IFI44L: variants seen among roughly 807,000 people sequenced by gnomAD.
IFI44L encodes interferon induced protein 44 like.
IFI44L carries 40 observed loss-of-function variants against 39.3 expected under a neutral mutation model. The ratio of observed to expected loss-of-function variants is 1.02; its 90% CI spans 0.79 to 1.33. IFI44L has a LOEUF of 1.33. IFI44L is among the 40% of genes most tolerant of loss of function. The pLI is 0.00. For missense variants in IFI44L, 623 were observed against 549.0 expected (o/e 1.13, Z -1.35); for synonymous variants, 198 against 182.3 (o/e 1.09, Z -0.69).
chr1:78,627,188 CTA>C (rs1652523816), intron 1 of IFI44L: 2 of 152,050 alleles, frequency 1.3e-5, no homozygotes, highest in Non-Finnish European at 2.9e-5. Flanking sequence ...TTGCCAATAG[CTA>C]TATGTCTTAA....
Position 78,637,102 on chromosome 1 carries a change from T to C in IFI44L, c.947T>C (p.Ile316Thr). 4 of 1,611,572 alleles carry C rather than the reference T, an allele frequency of 2.5e-6. No homozygotes were observed. The highest frequency in any genetic ancestry group is 1.7e-4 in the Middle Eastern group (1 of 6,054). The part of the protein sequence containing the change: ...FITSPSLKDR[I>T]HCVAYVLDIN... ...ACCTCTCCATCTCTGAAGGACAGGA[T>C]TCACTGTGTGGCTTATGTCTTAGAC... The change falls in exon 6 of 9, where the codon ATT becomes ACT. Residue 316 changes from isoleucine to threonine, a missense_variant. Transcript: ENST00000370751.
chr1:78,641,762 G>T lies in IFI44L; in HGVS notation c.1325-13G>T. On this transcript the variant is annotated splice_polypyrimidine_tract_variant and intron_variant, in intron 8 of 8. Transcript: ENST00000370751. ...ATATGTTTCATTTCCACTCTTGTTT[G>T]TTTCATTTTCAGGTGCAATTGAGAG... 1.2e-6 allele frequency: 2 copies of T among 1,613,598 alleles called. No individual in the cohort carries two copies. Among genetic ancestry groups the T allele is most frequent in the Non-Finnish European group, 8.5e-7 (1 of 1,179,620 alleles).
intron 4 of IFI44L, 92 bp from the exon 5 acceptor site, chr1:78,635,245 T>C: frequency 9.6e-7 from 1 of 1,042,692 alleles, no homozygotes; most frequent in Non-Finnish European, 1.4e-6. Context: ...ACCATGGTGT[T>C]CAAATATTAA....
chr1:78,624,800 G>A (rs1279935164), intron 1 of IFI44L, among the ~76,000 whole-genome samples: 1 of 152,076 alleles, frequency 6.6e-6, no homozygotes. Context: ...ATATTTTTCT[G>A]GAGAATTGAC....
intron 1 of IFI44L, among the ~76,000 whole-genome samples, chr1:78,621,665 CTG>C (rs2100466044): frequency 6.6e-6 from 1 of 151,946 alleles, no homozygotes; most frequent in African/African-American, 2.4e-5. Flanking sequence ...TTATGGTTTT[CTG>C]TATGTGTGTA....
Position 78,637,017 on chromosome 1 carries a change from A to T in IFI44L, c.877-15A>T. On this transcript the variant is annotated splice_polypyrimidine_tract_variant and intron_variant, in intron 5 of 8. Transcript: ENST00000370751. ...CTCTCTGATTTCTGAATGTTACCTT[A>T]TGTTTTTATAACAGTTTAATTCCCG... is the stretch of plus-strand genomic sequence containing the variant. 1 of 1,590,540 alleles carries T rather than the reference A, an allele frequency of 6.3e-7. No individual in the cohort carries two copies. The highest frequency in any genetic ancestry group is 1.7e-5 in the Admixed American group (1 of 59,224).
Position 78,629,716 on chromosome 1 carries a change from A to G in IFI44L, c.528-4A>G, listed in dbSNP as rs772037776. The G allele has an allele frequency of 3.9e-5, 62 of 1,604,568 alleles. No individual in the cohort carries two copies. The highest frequency in any genetic ancestry group is 4.8e-5 in the Non-Finnish European group (57 of 1,175,364). On this transcript the variant is annotated splice_polypyrimidine_tract_variant and splice_region_variant and intron_variant, in intron 3 of 8. Coordinates refer to ENST00000370751, the MANE Select transcript of IFI44L (RefSeq NM_006820.4). Reference sequence around the variant, plus strand: ...TGCTGTATTTAACCACTATATTTTAACAGGCACAGAAATAGGCTTCTAGCA... The same window carrying G: ...TGCTGTATTTAACCACTATATTTTAGCAGGCACAGAAATAGGCTTCTAGCA...
chr1:78,636,423 A>G (rs1318620222), intron 5 of IFI44L, among the ~76,000 whole-genome samples: 1 of 152,092 alleles, frequency 6.6e-6, no homozygotes. Flanking sequence ...ATTCAGTCCA[A>G]CACTGAAATA....
rs142969047 is a variant in IFI44L at position 78,623,502 on chromosome 1, G to A, written c.-11+2931G>A. On this transcript the variant is annotated intron_variant, in intron 1 of 8. Coordinates refer to ENST00000370751, the MANE Select transcript of IFI44L (RefSeq NM_006820.4). ...AGATGACCAATTTGTATTAGTCAGCGTTCTTCAGAGAAACTGAACCAACAT... is the reference window on the plus strand; with the variant it reads ...AGATGACCAATTTGTATTAGTCAGCATTCTTCAGAGAAACTGAACCAACAT... Among the ~76,000 whole-genome samples, 688 of 145,868 alleles carry A rather than the reference G, an allele frequency of 4.7e-3. 4 individuals are homozygous for A. The highest frequency in any genetic ancestry group is 0.014 in the African/African-American group (552 of 38,680).
intron 5 of IFI44L, 65 bp from the exon 6 acceptor site, chr1:78,636,967 T>C: frequency 8.2e-7 from 1 of 1,218,630 alleles, no homozygotes; most frequent in Non-Finnish European, 1.2e-6. Context: ...AAGCATTAAT[T>C]GTGTCTTTAA....
Position 78,637,190 on chromosome 1 carries a change from A to G in IFI44L, c.1035A>G (p.Glu345=). The G allele has an allele frequency of 3.1e-6, 5 of 1,605,576 alleles. No homozygotes were observed. The highest frequency in any genetic ancestry group is 4.2e-6 in the Non-Finnish European group (5 of 1,176,992). Residue 345 remains glutamate (E), a synonymous_variant, in exon 6 of 9, where the codon GAA becomes GAG. Transcript: ENST00000370751. ...MLAKVKQVHK[E]VLNCGIAYVA... is the part of the protein sequence containing the mutation. Reference sequence around the variant, plus strand: ...CAAAAGTGAAGCAAGTTCACAAAGAAGTATTAAACTGTGGTGAGTCTCACT... The same window carrying G: ...CAAAAGTGAAGCAAGTTCACAAAGAGGTATTAAACTGTGGTGAGTCTCACT...
chr1:78,637,184 C>G lies in IFI44L; in HGVS notation c.1029C>G (p.His343Gln). The G allele has an allele frequency of 1.2e-5, 20 of 1,606,770 alleles. No homozygotes were observed. Among genetic ancestry groups the G allele is most frequent in the Non-Finnish European group, 1.6e-5 (19 of 1,177,306 alleles). Residue 343 changes from histidine to glutamine, a missense_variant, in exon 6 of 9, where the codon CAC (histidine) becomes CAG (glutamine). His to Gln is a conservative substitution (Grantham distance 24, BLOSUM62 0). Coordinates refer to ENST00000370751, the MANE Select transcript of IFI44L (RefSeq NM_006820.4). ...TGTTGGCAAAAGTGAAGCAAGTTCA[C>G]AAAGAAGTATTAAACTGTGGTGAGT... ...SKMLAKVKQV[H>Q]KEVLNCGIAY...
chr1:78,637,127 C>G lies in IFI44L; in HGVS notation c.972C>G (p.Asp324Glu). Residue 324 changes from aspartate to glutamate, a missense_variant, in exon 6 of 9, where the codon GAC becomes GAG. Coordinates refer to ENST00000370751, the MANE Select transcript of IFI44L (RefSeq NM_006820.4). ...TTCACTGTGTGGCTTATGTCTTAGA[C>G]ATCAACTCTATTGACAATCTCTACT... ...DRIHCVAYVL[D>E]INSIDNLYSK... is the part of the protein sequence containing the mutation. The G allele has an allele frequency of 1.2e-5, 20 of 1,608,380 alleles. No homozygotes were observed. The highest frequency in any genetic ancestry group is 1.5e-5 in the Non-Finnish European group (18 of 1,177,280).
intron 2 of IFI44L, 52 bp from the exon 3 acceptor site, chr1:78,628,899 A>G (rs925487924): frequency 8.1e-7 from 1 of 1,234,650 alleles, no homozygotes; most frequent in South Asian, 1.2e-5. Context: ...ACTTGGCCAC[A>G]TTTAACCAAA....
At chr1:78,626,014 C>T (rs1224607155) in intron 1 of IFI44L, 1 of 151,772 alleles carries the variant, frequency 6.6e-6, no homozygotes, top group African/African-American at 2.4e-5. Flanking sequence ...GACTTGCTTG[C>T]TTTTTAAGGT....
Position 78,642,490 on chromosome 1 carries a change from G to A in IFI44L, c.*681G>A, listed in dbSNP as rs1314169720. 2 of 151,932 alleles carry A rather than the reference G, an allele frequency of 1.3e-5. No homozygotes were observed. The highest frequency in any genetic ancestry group is 6.6e-5 in the Admixed American group (1 of 15,230). The allele number at this position is 151,932 out of a possible 1,614,324, so 9.4% of individuals were successfully genotyped here. A position where few individuals can be genotyped will look rare whatever the true frequency, so the allele number is the denominator to read the frequency against. ...CCAGTTACTCAGGATGATTGATTGAGCCTTGGAGGTGGAGGCTACAGTGAG... is the reference window on the plus strand; with the variant it reads ...CCAGTTACTCAGGATGATTGATTGAACCTTGGAGGTGGAGGCTACAGTGAG... On this transcript the variant is annotated 3_prime_UTR_variant, in exon 9 of 9. Coordinates refer to ENST00000370751, the MANE Select transcript of IFI44L (RefSeq NM_006820.4).
chr1:78,640,967 G>A, intron 6 of IFI44L, 54 bp from the exon 7 acceptor site: 1 of 1,290,148 alleles, frequency 7.8e-7, no homozygotes, highest in Non-Finnish European at 1.1e-6. Context: ...TTAATAACTT[G>A]TTGACACATT....
intron 4 of IFI44L, 102 bp downstream of exon 4, chr1:78,630,017 G>T: frequency 9.2e-7 from 1 of 1,090,662 alleles, no homozygotes; most frequent in South Asian, 1.3e-5. Flanking sequence ...ACAATTAAAT[G>T]CTAAATCAAA....
At chr1:78,639,184 G>A (rs1653061974) in intron 6 of IFI44L, among the ~76,000 whole-genome samples, 2 of 151,998 alleles carry the variant, frequency 1.3e-5, no homozygotes, top group Admixed American at 6.6e-5. Context: ...CTGCTGATTC[G>A]GTGGAAGTCT....
Sources: allele counts gnomAD v4.1 joint callset (sites outside exome capture counted in the v4.1 genomes callset), GRCh38; gene constraint gnomAD v4.1.1; transcripts MANE v1.5; gene names NCBI Gene and HGNC (gene_info 2026-07-23, HGNC 2026-07-21).